Variants in PLEKHG1 observed in about 807,000 individuals in gnomAD.
PLEKHG1 encodes pleckstrin homology and RhoGEF domain containing G1, also known as pleckstrin homology domain-containing family G member 1.
PLEKHG1 carries 44 observed loss-of-function variants against 100.8 expected under a neutral mutation model. The observed-to-expected ratio is 0.44, with a 90% CI of 0.34 to 0.56. The LOEUF is 0.56. Among genes scored for constraint, PLEKHG1 ranks in the 20% least tolerant of loss-of-function variants. PLEKHG1 has a pLI of 0.01. For missense variants in PLEKHG1, 1,545 were observed against 1,720.9 expected (o/e 0.90, Z 1.81); for synonymous variants, 640 against 662.5 (o/e 0.97, Z 0.52).
intron 3 of PLEKHG1, among the ~76,000 whole-genome samples, chr6:150,684,802 G>T (rs1304418657): frequency 6.6e-6 from 1 of 151,910 alleles, no homozygotes; most frequent in Admixed American, 6.6e-5. Context: ...GGTTTGGGAT[G>T]GGGGGAAATG....
At chr6:150,832,853 T>A (rs1030774706) in intron 15 of PLEKHG1, among the ~76,000 whole-genome samples, 11 of 151,522 alleles carry the variant, frequency 7.3e-5, no homozygotes, top group Non-Finnish European at 1.5e-4. Flanking sequence ...ACTTTTTACA[T>A]TTTTTGTAGA....
In PLEKHG1 at chr6:150,758,671, G is replaced by T. The variant is rs906457672; in HGVS notation, c.412-9967G>T. Among the ~76,000 whole-genome samples the T allele has an allele frequency of 5.3e-5, 8 of 152,342 alleles. No individual in the cohort carries two copies. In the South Asian group the frequency reaches 1.2e-3, roughly 24 times the overall value. ...TTTTAACAATCGTCATTCTGACTAA[G>T]CATGAGATGGTATCTTATTGTGGTT... is the stretch of plus-strand genomic sequence containing the variant. On this transcript the variant is annotated intron_variant, in intron 2 of 15. Coordinates refer to ENST00000358517, the Ensembl canonical transcript of PLEKHG1.
chr6:150,730,377 C>G (rs373401413), intron 1 of PLEKHG1, among the ~76,000 whole-genome samples: 1 of 151,930 alleles, frequency 6.6e-6, no homozygotes, highest in African/African-American at 2.4e-5. Context: ...CAGGATGAAA[C>G]GGTTCCACCT....
At chr6:150,823,961 G>T (rs941007426) in intron 14 of PLEKHG1, among the ~76,000 whole-genome samples, 1 of 152,070 alleles carries the variant, frequency 6.6e-6, no homozygotes, top group African/African-American at 2.4e-5. Context: ...CTTACCTTAG[G>T]GTGTAATACC....
chr6:150,833,339 C>T lies in PLEKHG1; in HGVS notation c.3094+1134C>T, dbSNP rs191626847. On this transcript the variant is annotated intron_variant, in intron 15 of 15. Transcript: ENST00000358517. Reference sequence around the variant, plus strand: ...AAGTGCTAGGATTACAGGCGTGAGCCGCCACACCTGGCCTACTGCTCAATT... The same window carrying T: ...AAGTGCTAGGATTACAGGCGTGAGCTGCCACACCTGGCCTACTGCTCAATT... 1.6e-4 allele frequency among the ~76,000 whole-genome samples: 25 copies of T among 152,364 alleles called. No homozygotes were observed. In the East Asian group the frequency reaches 3.1e-3, roughly 19 times the overall value.
chr6:150,792,122 A>G (rs1381678737), intron 4 of PLEKHG1, among the ~76,000 whole-genome samples: 5 of 152,192 alleles, frequency 3.3e-5, no homozygotes, highest in Admixed American at 3.3e-4. Flanking sequence ...AGTATAAACT[A>G]AAGTTGTATT....
rs201246334 is a variant in PLEKHG1, at chr6:150,831,755, C to T, written c.2644C>T (p.Arg882Trp). ...CGCAGAGAGCACCCCTGAGCTGAGCCGGGACGTGGGGCGCTCTGTGTCCAC... is the reference window on the plus strand; with the variant it reads ...CGCAGAGAGCACCCCTGAGCTGAGCTGGGACGTGGGGCGCTCTGTGTCCAC... The change falls in exon 15 of 16, where the codon CGG (arginine) becomes TGG (tryptophan). Residue 882 changes from arginine to tryptophan, a missense_variant. Arg to Trp is a moderately radical substitution (Grantham distance 101, BLOSUM62 -3). Transcript: ENST00000358517. This position sits in a 1 kb window ranked among gnomAD's most constrained non-coding sequence, Gnocchi z 4.1. 5.4e-5 allele frequency: 87 copies of T among 1,613,314 alleles called. No individual in the cohort carries two copies. In the Admixed American group the frequency reaches 8.8e-4, roughly 16 times the overall value.
chr6:150,617,436 A>G (rs1777117794), intron 1 of PLEKHG1, among the ~76,000 whole-genome samples: 1 of 152,254 alleles, frequency 6.6e-6, no homozygotes, highest in Non-Finnish European at 1.5e-5. Context: ...GATGAGAAGT[A>G]ATTAACCAGT....
At chr6:150,792,690 CAA>C (rs869076999) in intron 4 of PLEKHG1, among the ~76,000 whole-genome samples, 1 of 150,780 alleles carries the variant, frequency 6.6e-6, no homozygotes, top group African/African-American at 2.4e-5. Context: ...ACAACAACAA[CAA>C]AAAAAAACCA....
chr6:150,645,411 T>C (rs1476260373), intron 2 of PLEKHG1, among the ~76,000 whole-genome samples: 2 of 152,278 alleles, frequency 1.3e-5, no homozygotes, highest in East Asian at 3.9e-4. Context: ...AAGAATTTCT[T>C]AAACAAGACA....
intron 1 of PLEKHG1, among the ~76,000 whole-genome samples, chr6:150,601,097 A>G (rs1776341207): frequency 6.6e-6 from 1 of 152,152 alleles, no homozygotes. Context: ...AGACCGGGGG[A>G]AAGACTAGAA....
At chr6:150,645,016 A>T (rs1778432692) in intron 2 of PLEKHG1, among the ~76,000 whole-genome samples, 2 of 152,208 alleles carry the variant, frequency 1.3e-5, no homozygotes, top group African/African-American at 4.8e-5. Context: ...CAGAACAAAG[A>T]TTCATAAGTA....
chr6:150,819,941 C>T (rs1776203564), intron 12 of PLEKHG1, among the ~76,000 whole-genome samples, 167 bp downstream of exon 13: 1 of 152,004 alleles, frequency 6.6e-6, no homozygotes, highest in Admixed American at 6.6e-5. Context: ...TGATCTAAAA[C>T]TCTTTTCTCT....
At chr6:150,794,930 A>G (rs1786227045) in intron 4 of PLEKHG1, among the ~76,000 whole-genome samples, 2 of 152,176 alleles carry the variant, frequency 1.3e-5, no homozygotes, top group African/African-American at 4.8e-5. Context: ...GATTCTAAGT[A>G]GAGATTTTAG....
chr6:150,825,658 C>T (rs1353241145), intron 14 of PLEKHG1, among the ~76,000 whole-genome samples: 2 of 152,052 alleles, frequency 1.3e-5, no homozygotes, highest in Non-Finnish European at 1.5e-5. Flanking sequence ...TCTGAGGCTG[C>T]GTATATGTGT....
intron 2 of PLEKHG1, among the ~76,000 whole-genome samples, chr6:150,766,049 C>T (rs987869131): frequency 6.6e-6 from 1 of 152,092 alleles, no homozygotes; most frequent in African/African-American, 2.4e-5. Flanking sequence ...TGCTCGTGTG[C>T]AAATCTTATA....
At chr6:150,734,027 A>G (rs762579938) in exon 2 of PLEKHG1, 1 of 1,614,186 alleles carries the variant, frequency 6.2e-7, no homozygotes, top group African/African-American at 1.3e-5. Flanking sequence ...CTATGTGGAT[A>G]GAGTTGTTCA....
chr6:150,731,093 G>T (rs906789982), intron 1 of PLEKHG1, among the ~76,000 whole-genome samples: 1 of 152,028 alleles, frequency 6.6e-6, no homozygotes, highest in Admixed American at 6.6e-5. Flanking sequence ...CCCCTACTTT[G>T]GACTGCCATG....
intron 2 of PLEKHG1, among the ~76,000 whole-genome samples, chr6:150,746,377 A>C (rs1410511275): frequency 6.6e-6 from 1 of 152,174 alleles, no homozygotes; most frequent in East Asian, 1.9e-4. Context: ...GACTTGTTAC[A>C]AATAGGTTTC....
Sources: gnomAD v4.1 joint callset for allele counts (sites outside exome capture counted in the v4.1 genomes callset) on GRCh38, gnomAD v4.1.1 for gene constraint, Gnocchi (gnomAD v3.1) non-coding constraint, MANE v1.5 for transcripts, NCBI Gene and HGNC (gene_info 2026-07-23, HGNC 2026-07-21) for gene names.